The following ATF7IP2 variants were observed in gnomAD, a reference collection of about 807,000 sequenced individuals.
ATF7IP2 encodes the protein activating transcription factor 7 interacting protein 2.
In ATF7IP2, 42 loss-of-function variants were observed where a neutral mutation model predicts 64.2. The observed-to-expected ratio is 0.65, with a 90% CI of 0.51 to 0.85. The LOEUF (loss-of-function observed/expected upper bound fraction) is 0.85. Among genes scored for constraint, ATF7IP2 ranks in the 40% least tolerant of loss-of-function variants. The probability of loss-of-function intolerance (pLI) is 0.00; values close to 1 mark genes in which losing one functional copy is unlikely to be tolerated. For synonymous variants in ATF7IP2, 308 were observed against 272.8 expected (o/e 1.13, Z -1.27); for missense variants, 933 against 784.2 (o/e 1.19, Z -2.27).
At chr16:10,471,478 A>G (rs2049797198) in intron 9 of ATF7IP2, among the ~76,000 whole-genome samples, 1 of 152,138 alleles carries the variant, frequency 6.6e-6, no homozygotes, top group African/African-American at 2.4e-5. Context: ...CGGTGAGCCA[A>G]GATTGCGCCA....
chr16:10,416,744 C>T (rs1287349762), intron 2 of ATF7IP2, among the ~76,000 whole-genome samples: 2 of 152,120 alleles, frequency 1.3e-5, no homozygotes, highest in Non-Finnish European at 2.9e-5. Context: ...TTGCATTGAG[C>T]CAAGATCACA....
intron 1 of ATF7IP2, among the ~76,000 whole-genome samples, chr16:10,392,119 T>C (rs1228276098): frequency 6.9e-6 from 1 of 144,158 alleles, no homozygotes. Context: ...ACGGGCAAGA[T>C]CTCAGCTCAC....
chr16:10,387,073 T>G (rs752949770), intron 1 of ATF7IP2: 34 of 152,224 alleles, frequency 2.2e-4, no homozygotes, highest in Non-Finnish European at 4.3e-4. Context: ...TTATGTCATA[T>G]TCACTTAAAT....
intron 3 of ATF7IP2, among the ~76,000 whole-genome samples, chr16:10,425,254 G>C (rs1451798321): frequency 7.3e-6 from 1 of 137,202 alleles, no homozygotes; most frequent in Non-Finnish European, 1.6e-5. Context: ...ACTTTTAGTA[G>C]AAACGGGGTT....
intron 5 of ATF7IP2, among the ~76,000 whole-genome samples, chr16:10,432,813 A>C (rs1054247234): frequency 1.3e-5 from 2 of 152,130 alleles, no homozygotes; most frequent in Non-Finnish European, 2.9e-5. Context: ...GGGGGGCGGA[A>C]GTTGCACTGA....
chr16:10,450,923 A>G (rs1437162623), intron 8 of ATF7IP2, among the ~76,000 whole-genome samples: 1 of 152,106 alleles, frequency 6.6e-6, no homozygotes, highest in Admixed American at 6.6e-5. Flanking sequence ...TGGTCTTTAC[A>G]ATTTGGTATG....
intron 8 of ATF7IP2, chr16:10,446,701 A>G (rs910262641): frequency 1.3e-5 from 2 of 152,068 alleles, no homozygotes; most frequent in Non-Finnish European, 2.9e-5. Flanking sequence ...TTATCTTTCC[A>G]TATTTTAACA....
intron 3 of ATF7IP2, among the ~76,000 whole-genome samples, chr16:10,427,634 TC>T (rs1273544798): frequency 6.6e-6 from 1 of 152,110 alleles, no homozygotes; most frequent in Non-Finnish European, 1.5e-5. Context: ...GGCATGAGGA[TC>T]ACTTCAGCCC....
intron 9 of ATF7IP2, among the ~76,000 whole-genome samples, chr16:10,468,097 C>T (rs372750403): frequency 6.6e-6 from 1 of 150,380 alleles, no homozygotes; most frequent in African/African-American, 2.5e-5. Context: ...TCAGGCTGGT[C>T]TCGAACTCCC....
At chr16:10,388,054 C>A (rs533542119) in intron 1 of ATF7IP2, among the ~76,000 whole-genome samples, 12 of 152,066 alleles carry the variant, frequency 7.9e-5, no homozygotes, top group African/African-American at 2.7e-4. Flanking sequence ...AGGCGCCCGA[C>A]TAGTTTTTGT....
At chr16:10,413,169 T>C (rs895744733) in intron 1 of ATF7IP2, among the ~76,000 whole-genome samples, 1 of 152,198 alleles carries the variant, frequency 6.6e-6, no homozygotes, top group Non-Finnish European at 1.5e-5. Flanking sequence ...TTAATGTTAA[T>C]GATATGGTTT....
chr16:10,460,105 A>G (rs1042583035), intron 9 of ATF7IP2, among the ~76,000 whole-genome samples: 1 of 152,202 alleles, frequency 6.6e-6, no homozygotes, highest in African/African-American at 2.4e-5. Context: ...TATCTAAGAA[A>G]TCTTTCGTAT....
At chr16:10,407,467 A>T (rs534604546) in intron 1 of ATF7IP2, among the ~76,000 whole-genome samples, 4 of 152,300 alleles carry the variant, frequency 2.6e-5, no homozygotes, top group Admixed American at 2.6e-4. Flanking sequence ...ATAAGATCTT[A>T]TATTTGGAAA....
Position 10,482,925 on chromosome 16 carries a change from G to C in ATF7IP2, c.*676G>C, listed in dbSNP as rs1000910227. 1 of 152,168 alleles carries C rather than the reference G, an allele frequency of 6.6e-6. No homozygotes were observed. The highest frequency in any genetic ancestry group is 2.4e-5 in the African/African-American group (1 of 41,432). 9.4% of individuals were successfully genotyped at this position (152,168 alleles called of 1,614,324 possible). A position where few individuals can be genotyped will look rare whatever the true frequency, so the allele number is the denominator to read the frequency against. On this transcript the variant is annotated 3_prime_UTR_variant, in exon 14 of 14. Transcript: ENST00000562102. ...GATGAGGTTTCACCTTGTTGGTCAG[G>C]CTGGTCTCAAACTCCTGACCTCAGG...
intron 9 of ATF7IP2, among the ~76,000 whole-genome samples, chr16:10,463,157 A>G (rs1283227056): frequency 3.9e-5 from 6 of 152,122 alleles, no homozygotes; most frequent in East Asian, 3.9e-4. Context: ...TCTTTGTCCT[A>G]TTTGTTAGGA....
intron 6 of ATF7IP2, among the ~76,000 whole-genome samples, chr16:10,435,936 A>T (rs28410733): frequency 1.8e-3 from 268 of 152,338 alleles, no homozygotes; most frequent in African/African-American, 6.2e-3. Context: ...TTCCACGTTC[A>T]AAAGATTTAG....
chr16:10,410,321 T>A (rs1357681155), intron 1 of ATF7IP2, among the ~76,000 whole-genome samples: 2 of 8,524 alleles, frequency 2.3e-4, no homozygotes, highest in Non-Finnish European at 3.7e-4. Flanking sequence ...AGTTTTGTTT[T>A]GTTTTGTTTT....
At chr16:10,470,881 A>G (rs2049776810) in intron 9 of ATF7IP2, among the ~76,000 whole-genome samples, 1 of 151,472 alleles carries the variant, frequency 6.6e-6, no homozygotes, top group African/African-American at 2.4e-5. Context: ...GTGAATATAT[A>G]TATGAAAATG....
At chr16:10,407,393 A>G (rs943973398) in intron 1 of ATF7IP2, among the ~76,000 whole-genome samples, 5 of 152,210 alleles carry the variant, frequency 3.3e-5, no homozygotes, top group African/African-American at 9.7e-5. Context: ...TAGGCGAATC[A>G]GAGGAGAAAT....
Sources: gnomAD v4.1 joint callset for allele counts (sites outside exome capture counted in the v4.1 genomes callset) on GRCh38, gnomAD v4.1.1 for gene constraint, MANE v1.5 for transcripts, NCBI Gene and HGNC (gene_info 2026-07-23, HGNC 2026-07-21) for gene names.